The following SNAPC3 variants were observed in gnomAD, a reference collection of about 807,000 sequenced individuals.
SNAPC3 encodes small nuclear RNA activating complex polypeptide 3, also known as snRNA-activating protein complex subunit 3.
A neutral mutation model predicts 47.7 loss-of-function variants in SNAPC3; 56 were observed. The ratio of observed to expected loss-of-function variants is 1.18; its 90% CI spans 0.95 to 1.47. SNAPC3 has a LOEUF of 1.47. SNAPC3 is among the 40% of genes most tolerant of loss of function. The pLI, the probability that SNAPC3 is intolerant of heterozygous loss-of-function variation, is 0.00. For synonymous variants in SNAPC3, 235 were observed against 189.9 expected (o/e 1.24, Z -1.95); for missense variants, 665 against 511.3 (o/e 1.30, Z -2.90).
At chr9:15,427,068 AAAAT>A (rs2031501626) in intron 2 of SNAPC3, among the ~76,000 whole-genome samples, 4 of 152,234 alleles carry the variant, frequency 2.6e-5, no homozygotes, top group Non-Finnish European at 5.9e-5. Context: ...ATTATGACAT[AAAAT>A]AAATTTCTGG....
intron 7 of SNAPC3, among the ~76,000 whole-genome samples, chr9:15,455,801 C>G (rs1053823541): frequency 6.6e-6 from 1 of 151,956 alleles, no homozygotes; most frequent in East Asian, 1.9e-4. Context: ...TAGGTTGAAG[C>G]AATTCTCATG....
intron 2 of SNAPC3, among the ~76,000 whole-genome samples, chr9:15,432,565 C>A (rs2032300684): frequency 6.6e-6 from 1 of 151,956 alleles, no homozygotes; most frequent in African/African-American, 2.4e-5. Context: ...AGAGGACTTG[C>A]TGAAAGAACG....
intron 3 of SNAPC3, among the ~76,000 whole-genome samples, chr9:15,443,947 C>G (rs1174408627): frequency 6.6e-6 from 1 of 152,190 alleles, no homozygotes; most frequent in African/African-American, 2.4e-5. Flanking sequence ...ATAGTTTATT[C>G]CAGTCTCTCA....
Position 15,451,399 on chromosome 9 carries a change from G to T in SNAPC3, c.812G>T (p.Ser271Ile). The T allele has an allele frequency of 6.7e-7, 1 of 1,498,720 alleles. No homozygotes were observed. 92.8% of individuals were successfully genotyped at this position (1,498,720 alleles called of 1,614,324 possible). The stretch of plus-strand genomic sequence containing the variant: ...AGATACCCAGAATGCAGAGATTTGA[G>T]CAGGTATAGTTTCCAAAAATCTTCT... ...DKRYPECRDL[S>I]RTIIEWSESH... Residue 271 changes from serine to isoleucine, a missense_variant, in exon 6 of 9, where the codon AGC (serine) becomes ATC (isoleucine). Transcript: ENST00000380821.
chr9:15,429,140 A>G (rs1368254857), intron 2 of SNAPC3, among the ~76,000 whole-genome samples: 1 of 152,244 alleles, frequency 6.6e-6, no homozygotes, highest in Admixed American at 6.5e-5. Context: ...CAAACTTACA[A>G]AAAGCATCAC....
intron 3 of SNAPC3, among the ~76,000 whole-genome samples, chr9:15,435,268 C>G (rs896019557): frequency 6.6e-6 from 1 of 152,158 alleles, no homozygotes. Flanking sequence ...GTTGTTTATC[C>G]TGTTGAGTTA....
downstream of SNAPC3, chr9:15,466,649 G>T: frequency 1.1e-6 from 1 of 896,372 alleles, no homozygotes. Flanking sequence ...GTGATCAAAA[G>T]ATAACTGCTT....
intron 5 of SNAPC3, among the ~76,000 whole-genome samples, chr9:15,450,380 A>G (rs1332963682): frequency 6.6e-6 from 1 of 152,186 alleles, no homozygotes; most frequent in East Asian, 1.9e-4. Context: ...AGAAAAATTA[A>G]AATATTACGG....
At chr9:15,441,604 A>G (rs2131848231) in intron 3 of SNAPC3, among the ~76,000 whole-genome samples, 1 of 151,830 alleles carries the variant, frequency 6.6e-6, no homozygotes, top group African/African-American at 2.4e-5. Context: ...ACTCTTAAGG[A>G]GCATGCTGCC....
intron 3 of SNAPC3, among the ~76,000 whole-genome samples, 198 bp from the exon 4 acceptor site, chr9:15,444,400 CAGTA>C (rs2033758590): frequency 6.6e-6 from 1 of 152,228 alleles, no homozygotes; most frequent in Non-Finnish European, 1.5e-5. Flanking sequence ...AGCAACAGTA[CAGTA>C]AGTATTTTCT....
In SNAPC3 at chr9:15,444,518, A is replaced by C. The variant is rs1322666144; in HGVS notation, c.478-84A>C. 8.5e-6 allele frequency: 7 copies of C among 819,252 alleles called. No individual in the cohort carries two copies. The African/African-American group carries it at 1.2e-4, about 14-fold the overall frequency. The allele number at this position is 819,252 out of a possible 1,614,324, so 50.7% of individuals were successfully genotyped here. On this transcript the variant is annotated intron_variant, in intron 3 of 8. Transcript: ENST00000380821. ...GTCAAACCCAAGGCTGCTTGACTCG[A>C]TCCCTTGCTGATAGCCATTGTACCA... is the stretch of plus-strand genomic sequence containing the variant.
intron 8 of SNAPC3, 28 bp from the exon 9 acceptor site, chr9:15,459,691 G>T: frequency 6.2e-7 from 1 of 1,601,990 alleles, no homozygotes; most frequent in African/African-American, 1.3e-5. Context: ...TGATTGTAAT[G>T]ATGTACTTCT....
At chr9:15,429,449 C>T (rs1276821773) in intron 2 of SNAPC3, among the ~76,000 whole-genome samples, 1 of 151,862 alleles carries the variant, frequency 6.6e-6, no homozygotes, top group Non-Finnish European at 1.5e-5. Flanking sequence ...TTGGGTATTG[C>T]AACAAAGTAC....
chr9:15,458,938 T>C (rs985368904), intron 8 of SNAPC3, among the ~76,000 whole-genome samples: 1 of 152,116 alleles, frequency 6.6e-6, no homozygotes, highest in Non-Finnish European at 1.5e-5. Context: ...CCGGCAAATA[T>C]ATGCATAATA....
chr9:15,445,145 A>G (rs1587321568), intron 4 of SNAPC3, among the ~76,000 whole-genome samples: 1 of 152,204 alleles, frequency 6.6e-6, no homozygotes, highest in African/African-American at 2.4e-5. Context: ...AGAGTTGACA[A>G]TCTATAATCT....
chr9:15,454,080 A>G (rs532603526), intron 7 of SNAPC3, among the ~76,000 whole-genome samples: 59 of 152,282 alleles, frequency 3.9e-4, no homozygotes, highest in African/African-American at 1.3e-3. Flanking sequence ...AAAGAATACA[A>G]AAATTAGCTG....
intron 2 of SNAPC3, among the ~76,000 whole-genome samples, chr9:15,426,932 T>C (rs2031483141): frequency 1.3e-5 from 2 of 152,174 alleles, no homozygotes; most frequent in South Asian, 4.1e-4. Flanking sequence ...CAAAAAAAAA[T>C]TAGACTTGTG....
chr9:15,464,114 T>C (rs542820498), downstream of SNAPC3: 7 of 181,114 alleles, frequency 3.9e-5, no homozygotes, highest in East Asian at 3.6e-4. Context: ...GTTGAACTTA[T>C]GGCTTAACTA....
At position 15,423,912 on chromosome 9, in the gene SNAPC3, T is replaced by G. The variant is rs751190360; in HGVS notation, c.318T>G (p.Leu106=). ...TTGCTTTTCCTTTTTGTTTTAGCCT[T>G]GATAAACTGAAATGCCTTGAGGACG... ...AAAELRAVCG[L]DKLKCLEDGE... is the part of the protein sequence containing the mutation. Residue 106 remains leucine (L), a synonymous_variant, in exon 2 of 9, where the codon CTT becomes CTG. Coordinates refer to ENST00000380821, the MANE Select transcript of SNAPC3 (RefSeq NM_001039697.2). 2 of 1,562,166 alleles carry G rather than the reference T, an allele frequency of 1.3e-6. No individual in the cohort carries two copies. The highest frequency in any genetic ancestry group is 2.4e-5 in the South Asian group (2 of 82,730).
Sources: gnomAD v4.1 joint callset for allele counts (sites outside exome capture counted in the v4.1 genomes callset) on GRCh38, gnomAD v4.1.1 for gene constraint, MANE v1.5 for transcripts, NCBI Gene and HGNC (gene_info 2026-07-23, HGNC 2026-07-21) for gene names.